The following HNF4A variants were observed in gnomAD, a reference collection of about 807,000 sequenced individuals.
HNF4A encodes hepatocyte nuclear factor 4 alpha.
Under a neutral mutation model 52.4 loss-of-function variants are expected in HNF4A, and 15 were observed. That is an observed-to-expected ratio of 0.29 (90% confidence interval 0.19 to 0.44). HNF4A has a LOEUF of 0.44. HNF4A is among the 20% of genes least tolerant of loss of function. The pLI is 1.00. For synonymous variants in HNF4A, 280 were observed against 264.4 expected, an observed-to-expected ratio of 1.06 and a Z score of -0.57; for missense variants, 479 against 647.2, an observed-to-expected ratio of 0.74 and a Z score of 2.82.
At chr20:44,424,325 C>A in intron 8 of HNF4A, 71 bp downstream of exon 8, 1 of 1,590,312 alleles carries the variant, frequency 6.3e-7, no homozygotes, top group Non-Finnish European at 8.6e-7. Flanking sequence ...ACACAGTGAG[C>A]TCACCCCTCA....
chr20:44,376,524 A>G (rs2063087718), intron 1 of HNF4A, among the ~76,000 whole-genome samples: 1 of 152,106 alleles, frequency 6.6e-6, no homozygotes, highest in South Asian at 2.1e-4. Context: ...AATTTTGTCA[A>G]ATCTTACTAC....
At chr20:44,423,360 G>A (rs951548332) in intron 7 of HNF4A, among the ~76,000 whole-genome samples, 2 of 152,030 alleles carry the variant, frequency 1.3e-5, no homozygotes, top group African/African-American at 2.4e-5. Context: ...AGACATACGC[G>A]TGCCCCTGCC....
chr20:44,357,482 G>C (rs778501398), intron 1 of HNF4A, among the ~76,000 whole-genome samples: 4 of 152,138 alleles, frequency 2.6e-5, no homozygotes, highest in Non-Finnish European at 5.9e-5. Flanking sequence ...TCTGGGGAAG[G>C]ACAGCCCAGG....
intron 8 of HNF4A, among the ~76,000 whole-genome samples, chr20:44,425,989 G>A (rs1325155972): frequency 6.6e-6 from 1 of 152,096 alleles, no homozygotes; most frequent in East Asian, 1.9e-4. Context: ...AGCATGAGAT[G>A]ACTATTACAA....
chr20:44,416,169 G>C (rs2063661942), intron 5 of HNF4A, among the ~76,000 whole-genome samples: 1 of 152,180 alleles, frequency 6.6e-6, no homozygotes, highest in South Asian at 2.1e-4. Flanking sequence ...CATATCAGGG[G>C]GTTGAACCTG....
intron 8 of HNF4A, chr20:44,424,603 T>C: frequency 7.1e-7 from 1 of 1,408,138 alleles, no homozygotes; most frequent in Non-Finnish European, 9.3e-7. Flanking sequence ...ATATAAAGCC[T>C]CACATTTTAT....
chr20:44,356,774 T>G lies in HNF4A; in HGVS notation c.49+921T>G, dbSNP rs530647999. On this transcript the variant is annotated intron_variant, in intron 1 of 9. Coordinates refer to the HNF4A transcript ENST00000316673. ...GAGGAGGGAAATTCAAGAGAATGTT[T>G]TATCTTTTGGGGACACATTTTGGAT... Among the ~76,000 whole-genome samples, 5 of 152,310 alleles carry G rather than the reference T, an allele frequency of 3.3e-5. No homozygotes were observed. In the East Asian group the frequency reaches 5.8e-4, roughly 18 times the overall value.
At chr20:44,385,059 C>CTTTTTCTTTTTTTT (rs2063204036) in intron 1 of HNF4A, among the ~76,000 whole-genome samples, 1 of 34,970 alleles carries the variant, frequency 2.9e-5, no homozygotes, top group East Asian at 2.3e-3. Context: ...ACTCTGTGAT[C>CTTTTTCTTTTTTTT]TTTTTTTTTT....
In HNF4A at chr20:44,424,221, A is replaced by G. The variant is rs755751378; in HGVS notation, c.1096A>G (p.Ile366Val). Residue 366 changes from isoleucine (I) to valine (V), a missense_variant, in exon 8 of 10, where the codon ATT (isoleucine) becomes GTT (valine). Transcript: ENST00000316099. ...CATCAAGCTCTTCGGCATGGCCAAG[A>G]TTGACAACCTGTTGCAGGAGATGCT... 2.5e-6 allele frequency: 4 copies of G among 1,614,120 alleles called. No individual in the cohort carries two copies. Among genetic ancestry groups the G allele is most frequent in the Non-Finnish European group, 3.4e-6 (4 of 1,180,014 alleles).
intron 3 of HNF4A, among the ~76,000 whole-genome samples, chr20:44,408,978 G>T (rs1196127581): frequency 6.6e-6 from 1 of 151,994 alleles, no homozygotes; most frequent in Non-Finnish European, 1.5e-5. Flanking sequence ...GAGGGGAGGG[G>T]AGGCTTTGGT....
chr20:44,411,714 A>G (rs547868872), intron 3 of HNF4A, among the ~76,000 whole-genome samples: 5 of 152,324 alleles, frequency 3.3e-5, no homozygotes, highest in African/African-American at 1.2e-4. Flanking sequence ...ATCAAGAGAA[A>G]GTTGAATAGC....
intron 1 of HNF4A, among the ~76,000 whole-genome samples, chr20:44,356,909 G>A (rs747526269): frequency 9.2e-5 from 14 of 152,114 alleles, no homozygotes; most frequent in Non-Finnish European, 1.6e-4. Flanking sequence ...TCTGTCACAC[G>A]GCTCAACATT....
rs1408676721 is a variant in HNF4A at position 44,431,496 on chromosome 20, G to A, written c.*1831G>A. ...CATCTGGCCTGTTGGCATGGGGGTG[G>A]GACAGTGTGCACAGTGTGGGGGCAG... On this transcript the variant is annotated 3_prime_UTR_variant, in exon 10 of 10. Coordinates refer to ENST00000316099, the MANE Select transcript of HNF4A (RefSeq NM_000457.6). 6.6e-6 allele frequency: 1 copy of A among 152,442 alleles called. No individual in the cohort carries two copies. Among genetic ancestry groups the A allele is most frequent in the East Asian group, 1.9e-4 (1 of 5,310 alleles). 9.4% of individuals were successfully genotyped at this position (152,442 alleles called of 1,614,324 possible). A position where few individuals can be genotyped will look rare whatever the true frequency, so the allele number is the denominator to read the frequency against.
chr20:44,371,397 C>A (rs1313381984), intron 1 of HNF4A, among the ~76,000 whole-genome samples: 1 of 152,186 alleles, frequency 6.6e-6, no homozygotes, highest in Non-Finnish European at 1.5e-5. Flanking sequence ...CCTGCCTCAG[C>A]CTCTGGAGTA....
intron 1 of HNF4A, among the ~76,000 whole-genome samples, chr20:44,357,250 C>T (rs2062868593): frequency 6.6e-6 from 1 of 152,204 alleles, no homozygotes; most frequent in South Asian, 2.1e-4. Flanking sequence ...TTGGGCAAGA[C>T]ATTTCCCCTC....
At chr20:44,404,805 T>TTCATGTTC (rs2063464829) in intron 1 of HNF4A, among the ~76,000 whole-genome samples, 1 of 16 alleles carries the variant, frequency 0.062, no homozygotes, top group African/African-American at 0.25. Context: ...GTGTGGTGTG[T>TTCATGTTC]GGACTGTGTG....
chr20:44,418,488 G>A lies in HNF4A; in HGVS notation c.712G>A (p.Val238Met). 6.2e-7 allele frequency: 1 copy of A among 1,613,456 alleles called. No individual in the cohort carries two copies. The highest frequency in any genetic ancestry group is 8.5e-7 in the Non-Finnish European group (1 of 1,179,990). The change falls in exon 6 of 10, where the codon GTG becomes ATG. Residue 238 changes from valine to methionine, a missense_variant. By Grantham distance (21) the Val-to-Met change is conservative. This residue lies in a region of HNF4A where 389 missense variants were observed against 525.1 expected (regional missense o/e 0.74). Transcript: ENST00000316099. ...GCTCGGAGCCACCAAGAGATCCATG[G>A]TGTTCAAGGACGTGCTGCTCCTAGG...
At chr20:44,414,461 G>C in intron 4 of HNF4A, 46 bp from the exon 5 acceptor site, 1 of 1,613,938 alleles carries the variant, frequency 6.2e-7, no homozygotes, top group Non-Finnish European at 8.5e-7. Flanking sequence ...GAGAGTGCGG[G>C]AGGGCCCGGA....
At chr20:44,381,724 C>T (rs755822444) in intron 1 of HNF4A, among the ~76,000 whole-genome samples, 1 of 152,136 alleles carries the variant, frequency 6.6e-6, no homozygotes, top group Non-Finnish European at 1.5e-5. Context: ...GATTCTTGTG[C>T]CTCAGCCTCC....
Sources: gnomAD v4.1 joint callset for allele counts (sites outside exome capture counted in the v4.1 genomes callset) on GRCh38, gnomAD v4.1.1 for gene constraint, gnomAD v4.1.1 regional missense constraint, MANE v1.5 for transcripts, NCBI Gene and HGNC (gene_info 2026-07-23, HGNC 2026-07-21) for gene names.